CNTN3: variants seen among roughly 807,000 people sequenced by gnomAD.
CNTN3 encodes the protein contactin 3, also known as contactin-3.
A neutral mutation model predicts 119.1 loss-of-function variants in CNTN3; 60 were observed. The observed-to-expected ratio is 0.50, with a 90% CI of 0.41 to 0.62. The LOEUF is 0.62. Ranked by LOEUF, CNTN3 falls within the 20% of genes least tolerant of loss-of-function variation. The pLI, the probability that CNTN3 is intolerant of heterozygous loss-of-function variation, is 0.00. For synonymous variants in CNTN3, 450 were observed against 438.7 expected (o/e 1.03, Z -0.32); for missense variants, 1,101 against 1,242.4 (o/e 0.89, Z 1.71).
intron 2 of CNTN3, among the ~76,000 whole-genome samples, chr3:74,505,413 C>A (rs1374359885): frequency 6.6e-6 from 1 of 151,566 alleles, no homozygotes; most frequent in Non-Finnish European, 1.5e-5. Context: ...GGAACTACTG[C>A]GACCAAGTGG....
At chr3:74,511,282 T>C (rs1244863085) in intron 2 of CNTN3, among the ~76,000 whole-genome samples, 1 of 152,122 alleles carries the variant, frequency 6.6e-6, no homozygotes, top group Non-Finnish European at 1.5e-5. Flanking sequence ...ACTACAGCCC[T>C]ACAGGGAGTA....
chr3:74,337,239 T>A (rs772382882), intron 11 of CNTN3, among the ~76,000 whole-genome samples: 1 of 152,214 alleles, frequency 6.6e-6, no homozygotes, highest in African/African-American at 2.4e-5. Context: ...AGTTTCTTAG[T>A]ATACACTTAG....
intron 1 of CNTN3, among the ~76,000 whole-genome samples, chr3:74,557,454 C>T (rs1380067293): frequency 2.0e-5 from 3 of 152,116 alleles, no homozygotes; most frequent in Non-Finnish European, 2.9e-5. Context: ...TCCAGGACAT[C>T]GTACACACCC....
intron 5 of CNTN3, among the ~76,000 whole-genome samples, chr3:74,418,342 C>CTTTTTTTT (rs56258495): frequency 0.43 from 42,336 of 98,090 alleles, 10,658 homozygotes; most frequent in East Asian, 0.53. Flanking sequence ...AAACATATTC[C>CTTTTTTTT]TTTTTTTTTT....
chr3:74,487,759 T>C lies in CNTN3; in HGVS notation c.183-1128A>G, dbSNP rs566133820. On this transcript the variant is annotated intron_variant, in intron 3 of 22. Coordinates refer to ENST00000263665, the MANE Select transcript of CNTN3 (RefSeq NM_020872.3). ...ATAAAGAGATGAAATGTGAACATCA[T>C]CTCAAATACAAGTGCATAAAGTTAA... Among the ~76,000 whole-genome samples the C allele has an allele frequency of 3.3e-5, 5 of 152,066 alleles. No homozygotes were observed. The East Asian group carries it at 7.8e-4, about 24-fold the overall frequency.
chr3:74,543,805 A>T (rs1703874943), intron 1 of CNTN3, among the ~76,000 whole-genome samples: 1 of 152,178 alleles, frequency 6.6e-6, no homozygotes, highest in Admixed American at 6.5e-5. Context: ...AAATCACAGG[A>T]ACACTCAAGC....
At chr3:74,534,086 G>A (rs1015610762) in intron 1 of CNTN3, among the ~76,000 whole-genome samples, 2 of 151,910 alleles carry the variant, frequency 1.3e-5, no homozygotes, top group Admixed American at 1.3e-4. Context: ...CTTTCTGTTC[G>A]GAACTTTACC....
intron 11 of CNTN3, among the ~76,000 whole-genome samples, chr3:74,360,244 G>A (rs1244102532): frequency 6.6e-6 from 1 of 152,122 alleles, no homozygotes; most frequent in Non-Finnish European, 1.5e-5. Flanking sequence ...ACATTTCTTG[G>A]CCTAAGGTTT....
At chr3:74,612,213 A>T (rs1276043483) in intron 1 of CNTN3, among the ~76,000 whole-genome samples, 1 of 152,210 alleles carries the variant, frequency 6.6e-6, no homozygotes, top group Non-Finnish European at 1.5e-5. Flanking sequence ...AGAAAGATGC[A>T]TATTTTGCAA....
intron 1 of CNTN3, among the ~76,000 whole-genome samples, chr3:74,586,289 A>T (rs1198843997): frequency 6.6e-6 from 1 of 152,128 alleles, no homozygotes; most frequent in East Asian, 1.9e-4. Flanking sequence ...TCATCAAAAA[A>T]ATATAAAGTC....
chr3:74,408,353 G>T (rs918927805), intron 5 of CNTN3, among the ~76,000 whole-genome samples: 5 of 152,172 alleles, frequency 3.3e-5, no homozygotes, highest in African/African-American at 9.6e-5. Flanking sequence ...TTTGCATTGA[G>T]TAAGTCTTAT....
At chr3:74,337,466 G>C (rs559891) in intron 11 of CNTN3, among the ~76,000 whole-genome samples, 121,054 of 152,040 alleles carry the variant, frequency 0.8, 48,791 homozygotes, top group African/African-American at 0.91. Context: ...TAATTTATAA[G>C]AAAAAGGAGA....
chr3:74,421,016 A>T (rs1192495387), intron 5 of CNTN3, among the ~76,000 whole-genome samples: 5 of 152,100 alleles, frequency 3.3e-5, no homozygotes, highest in African/African-American at 1.2e-4. Flanking sequence ...CAGCTTCCAG[A>T]CTCTAATGTA....
chr3:74,384,906 G>A (rs572860610), intron 5 of CNTN3, among the ~76,000 whole-genome samples: 92 of 152,196 alleles, frequency 6.0e-4, no homozygotes, highest in Non-Finnish European at 9.1e-4. Context: ...ATATTTATAA[G>A]TATGTTTATT....
At chr3:74,544,571 G>A (rs1315298092) in intron 1 of CNTN3, among the ~76,000 whole-genome samples, 11 of 151,916 alleles carry the variant, frequency 7.2e-5, no homozygotes, top group African/African-American at 2.2e-4. Context: ...TTTAATACAC[G>A]TATCCTAGAT....
chr3:74,486,274 ACAC>A (rs968851592), intron 4 of CNTN3, among the ~76,000 whole-genome samples, 179 bp downstream of exon 4: 12 of 152,082 alleles, frequency 7.9e-5, no homozygotes, highest in South Asian at 2.1e-4. Context: ...ACACACACAC[ACAC>A]ATTTAAAGCT....
At chr3:74,401,174 A>C (rs1161611883) in intron 5 of CNTN3, among the ~76,000 whole-genome samples, 3 of 152,070 alleles carry the variant, frequency 2.0e-5, no homozygotes, top group East Asian at 3.9e-4. Context: ...AAATGTCCCC[A>C]AAAAAGGTTT....
At chr3:74,491,593 C>G (rs1702965585) in intron 3 of CNTN3, among the ~76,000 whole-genome samples, 1 of 152,106 alleles carries the variant, frequency 6.6e-6, no homozygotes, top group South Asian at 2.1e-4. Flanking sequence ...TCCAATAAAT[C>G]TTCAAATTAG....
chr3:74,609,099 A>T (rs924777688), intron 1 of CNTN3, among the ~76,000 whole-genome samples: 1 of 152,214 alleles, frequency 6.6e-6, no homozygotes, highest in Non-Finnish European at 1.5e-5. Context: ...TTCCAAGCAC[A>T]TGCAAGAACA....
Sources: gnomAD v4.1 joint callset for allele counts (sites outside exome capture counted in the v4.1 genomes callset) on GRCh38, gnomAD v4.1.1 for gene constraint, MANE v1.5 for transcripts, NCBI Gene and HGNC (gene_info 2026-07-23, HGNC 2026-07-21) for gene names.